Variants in CCDC178 observed in about 807,000 individuals in gnomAD.
CCDC178 encodes the protein coiled-coil domain containing 178, also known as coiled-coil domain-containing protein 178.
A neutral mutation model predicts 117.4 loss-of-function variants in CCDC178; 126 were observed. The observed-to-expected ratio is 1.07, with a 90% CI of 0.93 to 1.24. The LOEUF is 1.24. CCDC178 is among the 50% of genes most tolerant of loss of function. The pLI is 0.00. For missense variants in CCDC178, 1,030 were observed against 986.9 expected (o/e 1.04, Z -0.59); for synonymous variants, 283 against 313.4 (o/e 0.90, Z 1.02).
intron 11 of CCDC178, among the ~76,000 whole-genome samples, chr18:33,306,099 C>T (rs2144927900): frequency 6.6e-6 from 1 of 152,282 alleles, no homozygotes; most frequent in South Asian, 2.1e-4. Context: ...TTTGAATCTG[C>T]TGTTATTAAG....
chr18:32,961,393 TTAA>T (rs2054700025), intron 22 of CCDC178, among the ~76,000 whole-genome samples: 1 of 152,142 alleles, frequency 6.6e-6, no homozygotes, highest in Non-Finnish European at 1.5e-5. Flanking sequence ...TTATCTGATA[TTAA>T]TATAGACTCA....
At chr18:33,066,650 A>T (rs949253508) in intron 21 of CCDC178, among the ~76,000 whole-genome samples, 1 of 152,342 alleles carries the variant, frequency 6.6e-6, no homozygotes, top group Non-Finnish European at 1.5e-5. Flanking sequence ...AAGTGAAGGG[A>T]TGGAAAAAGG....
intron 11 of CCDC178, among the ~76,000 whole-genome samples, chr18:33,306,500 T>C (rs1249492720): frequency 1.1e-5 from 1 of 90,410 alleles, no homozygotes; most frequent in African/African-American, 4.6e-5. Flanking sequence ...GTTATATATA[T>C]ATGGTTATAT....
intron 20 of CCDC178, among the ~76,000 whole-genome samples, chr18:33,175,112 A>C (rs931265821): frequency 2.0e-5 from 3 of 151,640 alleles, no homozygotes; most frequent in Admixed American, 6.6e-5. Flanking sequence ...TCCTGACCTC[A>C]TGATCCGCCC....
At chr18:32,973,595 G>GA (rs890240213) in intron 22 of CCDC178, among the ~76,000 whole-genome samples, 5 of 151,850 alleles carry the variant, frequency 3.3e-5, no homozygotes, top group Non-Finnish European at 7.4e-5. Context: ...ATCCTCAGAA[G>GA]AAAATATCAA....
chr18:33,203,185 G>A (rs2059012448), intron 20 of CCDC178, among the ~76,000 whole-genome samples: 1 of 151,970 alleles, frequency 6.6e-6, no homozygotes, highest in African/African-American at 2.4e-5. Flanking sequence ...ATACATATTT[G>A]CTCTTATGAA....
chr18:32,970,489 CT>C (rs2144684185), intron 22 of CCDC178, among the ~76,000 whole-genome samples: 1 of 151,984 alleles, frequency 6.6e-6, no homozygotes, highest in African/African-American at 2.4e-5. Context: ...TTTAGACCCC[CT>C]GACATCGGCA....
chr18:33,140,204 G>A (rs1275371127), intron 20 of CCDC178, among the ~76,000 whole-genome samples: 1 of 152,154 alleles, frequency 6.6e-6, no homozygotes, highest in African/African-American at 2.4e-5. Context: ...CTCTCGTGGA[G>A]AGCCTCTGCT....
Position 33,022,530 on chromosome 18 carries a change from G to A in CCDC178, c.2389-47849C>T, listed in dbSNP as rs547260903. Among the ~76,000 whole-genome samples, 10 of 152,232 alleles carry A rather than the reference G, an allele frequency of 6.6e-5. No homozygotes were observed. In the South Asian group the frequency reaches 1.5e-3, roughly 22 times the overall value. On this transcript the variant is annotated intron_variant, in intron 21 of 22. Coordinates refer to ENST00000383096, the MANE Select transcript of CCDC178 (RefSeq NM_001105528.4). Reference sequence around the variant, plus strand: ...AACAGACACCAGTGTACTGTGACAAGTTATGTATTTAAAATGTAATACCTT... The same window carrying A: ...AACAGACACCAGTGTACTGTGACAAATTATGTATTTAAAATGTAATACCTT...
At chr18:33,422,976 C>T (rs2064050381) in intron 2 of CCDC178, among the ~76,000 whole-genome samples, 1 of 152,148 alleles carries the variant, frequency 6.6e-6, no homozygotes, top group African/African-American at 2.4e-5. Flanking sequence ...AGCATCTCAG[C>T]AAATCACTAT....
At chr18:33,300,933 T>C (rs2062169034) in intron 11 of CCDC178, among the ~76,000 whole-genome samples, 1 of 152,162 alleles carries the variant, frequency 6.6e-6, no homozygotes, top group South Asian at 2.1e-4. Flanking sequence ...GAAAGATTAG[T>C]ATGACTAAAA....
At chr18:33,275,293 T>C (rs1179556674) in intron 12 of CCDC178, among the ~76,000 whole-genome samples, 1 of 151,864 alleles carries the variant, frequency 6.6e-6, no homozygotes. Context: ...TTTTAGAAAA[T>C]ATTTCAGAAA....
intron 10 of CCDC178, among the ~76,000 whole-genome samples, chr18:33,330,192 G>A (rs1038966467): frequency 6.6e-6 from 1 of 151,816 alleles, no homozygotes; most frequent in African/African-American, 2.4e-5. Flanking sequence ...TGTCAGTTAT[G>A]CTCATTTTAT....
In CCDC178 at chr18:33,333,155, C is replaced by T. The variant is rs2062693073; in HGVS notation, c.879+19G>A. ...ACTAAGTAATAATTTATGAAATGCT[C>T]ATGCATTCGTTTATTTACCTCCATT... On this transcript the variant is annotated intron_variant, in intron 10 of 22. Transcript: ENST00000383096. 7.2e-7 allele frequency: 1 copy of T among 1,397,690 alleles called. No individual in the cohort carries two copies. Among genetic ancestry groups the T allele is most frequent in the South Asian group, 1.2e-5 (1 of 80,490 alleles). The allele number at this position is 1,397,690 out of a possible 1,614,324, so 86.6% of individuals were successfully genotyped here. A position where few individuals can be genotyped will look rare whatever the true frequency, so the allele number is the denominator to read the frequency against.
chr18:33,404,299 T>C (rs1470333553), intron 3 of CCDC178, among the ~76,000 whole-genome samples: 4 of 151,962 alleles, frequency 2.6e-5, no homozygotes, highest in African/African-American at 7.3e-5. Context: ...GGTTAGGAGA[T>C]AGTGAGTATA....
chr18:33,317,414 G>C (rs1008045871), intron 11 of CCDC178, among the ~76,000 whole-genome samples: 3 of 152,114 alleles, frequency 2.0e-5, no homozygotes, highest in Non-Finnish European at 2.9e-5. Flanking sequence ...ACAAACTCTG[G>C]ACACGCCGCC....
chr18:33,077,432 A>C (rs2057229242), intron 21 of CCDC178, among the ~76,000 whole-genome samples: 1 of 152,314 alleles, frequency 6.6e-6, no homozygotes, highest in Admixed American at 6.5e-5. Flanking sequence ...GCTAAAAATG[A>C]GGTGATTATA....
At chr18:33,395,011 G>A (rs1320308271) in intron 4 of CCDC178, among the ~76,000 whole-genome samples, 1 of 114,370 alleles carries the variant, frequency 8.7e-6, no homozygotes, top group South Asian at 2.8e-4. Context: ...GAACAAGATA[G>A]TTACAAACTA....
intron 20 of CCDC178, among the ~76,000 whole-genome samples, chr18:33,132,017 T>C (rs1179977050): frequency 6.6e-6 from 1 of 151,628 alleles, no homozygotes; most frequent in African/African-American, 2.4e-5. Flanking sequence ...GCTACTCATG[T>C]AGCTAAGACA....
Sources: allele counts gnomAD v4.1 joint callset (sites outside exome capture counted in the v4.1 genomes callset), GRCh38; gene constraint gnomAD v4.1.1; transcripts MANE v1.5; gene names NCBI Gene and HGNC (gene_info 2026-07-23, HGNC 2026-07-21).